Variants in TYRP1 observed in about 807,000 individuals in gnomAD.
TYRP1 encodes 5,6-dihydroxyindole-2-carboxylic acid oxidase.
In TYRP1, 49 loss-of-function variants were observed where a neutral mutation model predicts 42.8. That is an observed-to-expected ratio of 1.14 (90% confidence interval 0.91 to 1.45). The LOEUF (loss-of-function observed/expected upper bound fraction) is 1.45, where lower values mean the gene tolerates loss of function less well. Among genes scored for constraint, TYRP1 ranks in the 40% most tolerant of loss-of-function variants. The pLI is 0.00. For missense variants in TYRP1, 848 were observed against 662.0 expected, an observed-to-expected ratio of 1.28 and a Z score of -3.08; for synonymous variants, 279 against 235.4, an observed-to-expected ratio of 1.19 and a Z score of -1.69.
intron 3 of TYRP1, among the ~76,000 whole-genome samples, 175 bp from the exon 4 acceptor site, chr9:12,698,276 G>A (rs1033857025): frequency 6.6e-6 from 1 of 152,028 alleles, no homozygotes; most frequent in African/African-American, 2.4e-5. Context: ...TAAATTACCA[G>A]CTTTGTTAAA....
chr9:12,702,220 A>G (rs763217343), intron 4 of TYRP1, 51 bp from the exon 5 acceptor site: 2 of 1,593,372 alleles, frequency 1.3e-6, no homozygotes, highest in East Asian at 4.5e-5. Context: ...GAGCGACAAT[A>G]AGAACTCCAA....
At chr9:12,704,429 C>T in intron 5 of TYRP1, 97 bp from the exon 6 acceptor site, 1 of 1,416,924 alleles carries the variant, frequency 7.1e-7, no homozygotes, top group Non-Finnish European at 9.7e-7. Flanking sequence ...CCTGACGAGC[C>T]TTGAAAAAAT....
intron 2 of TYRP1, 73 bp from the exon 3 acceptor site, chr9:12,695,442 A>T (rs1818059452): frequency 1.5e-6 from 2 of 1,377,644 alleles, no homozygotes; most frequent in Non-Finnish European, 2.1e-6. Context: ...GTGTGTTACA[A>T]GATGATTATG....
Position 12,695,654 on chromosome 9 carries a change from C to G in TYRP1, c.525C>G (p.Asn175Lys). The G allele has an allele frequency of 6.2e-7, 1 of 1,614,176 alleles. No individual in the cohort carries two copies. The highest frequency in any genetic ancestry group is 8.5e-7 in the Non-Finnish European group (1 of 1,180,032). Reference protein sequence around the residue: ...RSEEILGPDGNTPQFENISIY... With the variant: ...RSEEILGPDGKTPQFENISIY... ...AAGAAATACTGGGGCCAGATGGCAA[C>G]ACGCCACAATTTGAGAACATTTCCA... The change falls in exon 3 of 8, where the codon AAC becomes AAG. Residue 175 changes from asparagine (N) to lysine (K), a missense_variant. Asn to Lys is a moderately conservative substitution (Grantham distance 94). Transcript: ENST00000388918.
Position 12,709,285 on chromosome 9 carries a change from C to CTAAT in TYRP1, c.*104_*107dup, listed in dbSNP as rs1415969193. On this transcript the variant is annotated 3_prime_UTR_variant, in exon 8 of 8. Coordinates refer to ENST00000388918, the MANE Select transcript of TYRP1 (RefSeq NM_000550.3). ...TTTCTTTCACTTTATTACCTTCTTT[C>CTAAT]TAATACAAGCATATGTTAGCATTAA... 35 of 1,163,016 alleles carry CTAAT rather than the reference C, an allele frequency of 3.0e-5. No homozygotes were observed. In the East Asian group the frequency reaches 6.3e-4, roughly 21 times the overall value. The allele number at this position is 1,163,016 out of a possible 1,614,324, so 72.0% of individuals were successfully genotyped here. A position where few individuals can be genotyped will look rare whatever the true frequency, so the allele number is the denominator to read the frequency against.
chr9:12,697,156 T>C (rs1384243949), intron 3 of TYRP1, among the ~76,000 whole-genome samples: 1 of 152,202 alleles, frequency 6.6e-6, no homozygotes, highest in South Asian at 2.1e-4. Context: ...CAGATCTTCA[T>C]GCCTTCAAGT....
At chr9:12,708,565 G>A (rs955191845) in intron 7 of TYRP1, among the ~76,000 whole-genome samples, 8 of 151,940 alleles carry the variant, frequency 5.3e-5, no homozygotes, top group African/African-American at 1.9e-4. Context: ...AAGGGAGTGA[G>A]ATACTCTTAG....
At chr9:12,706,622 A>T (rs565299696) in intron 6 of TYRP1, among the ~76,000 whole-genome samples, 1 of 152,154 alleles carries the variant, frequency 6.6e-6, no homozygotes, top group South Asian at 2.1e-4. Context: ...CCATAAAATT[A>T]TAGGATAGGT....
chr9:12,693,958 C>T lies in TYRP1; in HGVS notation c.-39C>T. On this transcript the variant is annotated 5_prime_UTR_variant, in exon 2 of 8. Transcript: ENST00000388918. Reference sequence around the variant, plus strand: ...TCAGTCTTCTCTACACAAAGAGCTGCAAACCAGGTCTTTGTTTTGCACTCT... The same window carrying T: ...TCAGTCTTCTCTACACAAAGAGCTGTAAACCAGGTCTTTGTTTTGCACTCT... 2 of 1,612,348 alleles carry T rather than the reference C, an allele frequency of 1.2e-6. No individual in the cohort carries two copies. The highest frequency in any genetic ancestry group is 1.7e-6 in the Non-Finnish European group (2 of 1,179,820).
intron 3 of TYRP1, among the ~76,000 whole-genome samples, chr9:12,697,909 G>T (rs964110144): frequency 1.3e-5 from 2 of 152,148 alleles, no homozygotes; most frequent in Non-Finnish European, 2.9e-5. Context: ...TCCGTGCTCA[G>T]TGTGAAAGAG....
intron 2 of TYRP1, among the ~76,000 whole-genome samples, 156 bp from the exon 3 acceptor site, chr9:12,695,359 T>A (rs1263682173): frequency 6.6e-6 from 1 of 151,722 alleles, no homozygotes; most frequent in Admixed American, 6.6e-5. Context: ...GAAGAAAGGG[T>A]TTTAGTTAAG....
intron 6 of TYRP1, among the ~76,000 whole-genome samples, chr9:12,705,928 A>AATT (rs1818251156): frequency 6.6e-6 from 1 of 151,998 alleles, no homozygotes; most frequent in African/African-American, 2.4e-5. Context: ...ATAAATCTAT[A>AATT]ATTTACACTG....
chr9:12,695,406 T>C, intron 2 of TYRP1, 109 bp from the exon 3 acceptor site: 1 of 1,008,000 alleles, frequency 9.9e-7, no homozygotes, highest in Non-Finnish European at 1.5e-6. Context: ...TAAAACACAT[T>C]TGAACAGATG....
rs982928528 is a variant in TYRP1 at position 12,710,182 on chromosome 9, T to C, written c.*1000T>C. 1 of 151,672 alleles carries C rather than the reference T, an allele frequency of 6.6e-6. No homozygotes were observed. Among genetic ancestry groups the C allele is most frequent in the African/African-American group, 2.4e-5 (1 of 41,376 alleles). 9.4% of individuals were successfully genotyped at this position (151,672 alleles called of 1,614,324 possible). A position where few individuals can be genotyped will look rare whatever the true frequency, so the allele number is the denominator to read the frequency against. Reference sequence around the variant, plus strand: ...AATATATTTTCTCTTTTTGATCTTGTGCTATGAAACAATCTTCCAAAGAAC... The same window carrying C: ...AATATATTTTCTCTTTTTGATCTTGCGCTATGAAACAATCTTCCAAAGAAC... On this transcript the variant is annotated 3_prime_UTR_variant, in exon 8 of 8. Coordinates refer to ENST00000388918, the MANE Select transcript of TYRP1 (RefSeq NM_000550.3).
chr9:12,693,881 G>C, intron 1 of TYRP1, 31 bp from the exon 2 acceptor site: 1 of 1,451,366 alleles, frequency 6.9e-7, no homozygotes, highest in East Asian at 2.3e-5. Flanking sequence ...AGAAAAACTT[G>C]CATAATCTCA....
chr9:12,697,177 T>C (rs1322356517), intron 3 of TYRP1, among the ~76,000 whole-genome samples: 1 of 152,190 alleles, frequency 6.6e-6, no homozygotes, highest in East Asian at 1.9e-4. Flanking sequence ...CATTTTCTCA[T>C]GGGCACACCA....
Position 12,709,321 on chromosome 9 carries a change from A to C in TYRP1, c.*139A>C. On this transcript the variant is annotated 3_prime_UTR_variant, in exon 8 of 8. Transcript: ENST00000388918. Reference sequence around the variant, plus strand: ...ATATGTTAGCATTAAAGTTCTAGGCATACTTTTCAAAGCTGGGAAGACCCT... The same window carrying C: ...ATATGTTAGCATTAAAGTTCTAGGCCTACTTTTCAAAGCTGGGAAGACCCT... 1.1e-6 allele frequency: 1 copy of C among 889,078 alleles called. No individual in the cohort carries two copies. The highest frequency in any genetic ancestry group is 1.8e-6 in the Non-Finnish European group (1 of 562,466). 55.1% of individuals were successfully genotyped at this position (889,078 alleles called of 1,614,324 possible).
intron 5 of TYRP1, among the ~76,000 whole-genome samples, chr9:12,703,901 G>GCA (rs1554648030): frequency 6.7e-6 from 1 of 149,676 alleles, no homozygotes; most frequent in African/African-American, 2.5e-5. Context: ...GTGTGTGTGT[G>GCA]TGTGTGTGTA....
In TYRP1 at chr9:12,694,255, C is replaced by A. The variant is rs34509359; in HGVS notation, c.259C>A (p.Arg87=). Residue 87 remains arginine (R), a synonymous_variant, in exon 2 of 8, where the codon CGG becomes AGG. Transcript: ENST00000388918. Reference sequence around the variant, plus strand: ...GTATCCCCATGATGGCAGAGATGATCGGGAGGTCTGGCCCTTGCGCTTCTT... The same window carrying A: ...GTATCCCCATGATGGCAGAGATGATAGGGAGGTCTGGCCCTTGCGCTTCTT... The part of the protein sequence containing the change: ...PQYPHDGRDD[R]EVWPLRFFNR... 87,599 of 1,613,566 alleles carry A rather than the reference C, an allele frequency of 0.054. 2,702 individuals are homozygous for A. Among genetic ancestry groups the A allele is most frequent in the Non-Finnish European group, 0.062 (73,128 of 1,179,770 alleles).
Sources: gnomAD v4.1 joint callset for allele counts (sites outside exome capture counted in the v4.1 genomes callset) on GRCh38, gnomAD v4.1.1 for gene constraint, MANE v1.5 for transcripts, NCBI Gene and HGNC (gene_info 2026-07-23, HGNC 2026-07-21) for gene names.